The following PCDHA5 variants were observed in gnomAD, a reference collection of about 807,000 sequenced individuals.
The protein encoded by PCDHA5 is protocadherin alpha-5.
PCDHA5 carries 43 observed loss-of-function variants against 61.6 expected under a neutral mutation model. That is an observed-to-expected ratio of 0.70 (90% CI 0.55 to 0.90). PCDHA5 has a LOEUF of 0.90. Among genes scored for constraint, PCDHA5 ranks in the 40% least tolerant of loss-of-function variants. PCDHA5 has a pLI of 0.00. For missense variants in PCDHA5, 1,298 were observed against 1,222.7 expected, an observed-to-expected ratio of 1.06 and a Z score of -0.92; for synonymous variants, 627 against 543.9, an observed-to-expected ratio of 1.15 and a Z score of -2.13.
intron 1 of PCDHA5, chr5:140,877,179 G>T (rs1554169418): frequency 1.2e-6 from 2 of 1,613,830 alleles, no homozygotes. Flanking sequence ...TGGCGACTCC[G>T]GCTGGCAGCG....
At chr5:140,893,666 C>T (rs2064116335) in intron 1 of PCDHA5, among the ~76,000 whole-genome samples, 1 of 152,160 alleles carries the variant, frequency 6.6e-6, no homozygotes, top group African/African-American at 2.4e-5. Flanking sequence ...TAAAAAATTT[C>T]AGCACTTTGG....
chr5:140,836,700 A>G (rs1488520906), intron 1 of PCDHA5: 1 of 1,613,320 alleles, frequency 6.2e-7, no homozygotes, highest in African/African-American at 1.3e-5. Context: ...CATGGCCTTC[A>G]GTCCCAGCCT....
At chr5:140,918,573 C>CT (rs1392285106) in intron 1 of PCDHA5, among the ~76,000 whole-genome samples, 1 of 152,154 alleles carries the variant, frequency 6.6e-6, no homozygotes, top group Non-Finnish European at 1.5e-5. Context: ...TATTATGCTG[C>CT]TATTGGCTAT....
At chr5:140,895,660 A>G (rs2065094898) in intron 1 of PCDHA5, among the ~76,000 whole-genome samples, 6 of 152,160 alleles carry the variant, frequency 3.9e-5, no homozygotes, top group Admixed American at 3.9e-4. Context: ...CTTATAAGTG[A>G]GAACATGTAG....
At chr5:140,848,742 A>G in intron 1 of PCDHA5, 2 of 1,593,114 alleles carry the variant, frequency 1.3e-6, no homozygotes, top group Admixed American at 3.4e-5. Context: ...GCAGAATGGC[A>G]TTTTGTTTGT....
chr5:140,869,973 C>A (rs782664221), intron 1 of PCDHA5: 2 of 1,613,100 alleles, frequency 1.2e-6, no homozygotes, highest in Admixed American at 1.7e-5. Context: ...ATGGAAGACA[C>A]TTATTTACAC....
intron 1 of PCDHA5, among the ~76,000 whole-genome samples, chr5:140,888,561 G>A (rs2061877783): frequency 6.6e-6 from 1 of 152,156 alleles, no homozygotes; most frequent in South Asian, 2.1e-4. Flanking sequence ...TTCCTTTCAA[G>A]GCTTCATTTT....
chr5:140,903,163 G>T (rs2070058285), intron 1 of PCDHA5, among the ~76,000 whole-genome samples: 1 of 152,096 alleles, frequency 6.6e-6, no homozygotes, highest in Non-Finnish European at 1.5e-5. Flanking sequence ...GGTTGTGCTG[G>T]TTTACATTCC....
chr5:140,947,315 C>T (rs116397497), intron 1 of PCDHA5, among the ~76,000 whole-genome samples: 3,556 of 151,556 alleles, frequency 0.023, 49 homozygotes, highest in Middle Eastern at 0.034. Flanking sequence ...TGTAAAAAGT[C>T]GGTTGACCAT....
chr5:140,952,471 A>AAAGT (rs1205705150), intron 1 of PCDHA5, among the ~76,000 whole-genome samples: 2 of 152,204 alleles, frequency 1.3e-5, no homozygotes, highest in Non-Finnish European at 2.9e-5. Context: ...AAGCATAAGG[A>AAAGT]AAGTGACATT....
intron 1 of PCDHA5, chr5:140,875,899 T>C: frequency 1.2e-6 from 2 of 1,614,192 alleles, no homozygotes; most frequent in South Asian, 1.1e-5. Context: ...GGTACCTGTT[T>C]CTGAATCTGC....
intron 1 of PCDHA5, among the ~76,000 whole-genome samples, chr5:140,947,805 G>T (rs1474604810): frequency 6.6e-6 from 1 of 151,504 alleles, no homozygotes; most frequent in Non-Finnish European, 1.5e-5. Flanking sequence ...TTAATTTGCA[G>T]AGACTATTTC....
chr5:140,837,118 A>G (rs1774921021), intron 1 of PCDHA5: 2 of 157,076 alleles, frequency 1.3e-5, no homozygotes, highest in Non-Finnish European at 2.8e-5. Flanking sequence ...TATGTTACCT[A>G]ATATTTTATT....
At chr5:140,928,034 G>A in intron 1 of PCDHA5, 1 of 1,614,206 alleles carries the variant, frequency 6.2e-7, no homozygotes, top group South Asian at 1.1e-5. Flanking sequence ...GGCATGTCTA[G>A]TGCAGGCCCT....
chr5:140,968,719 G>C lies in PCDHA5; in HGVS notation c.2353-10230G>C. The C allele has an allele frequency of 1.9e-6, 3 of 1,614,148 alleles. No homozygotes were observed. Among genetic ancestry groups the C allele is most frequent in the African/African-American group, 1.3e-5 (1 of 75,038 alleles). ...GGACTACCAGGAAGATGGGAGATGA[G>C]AGTGGTAGCACTTTCAACCTGACCG... On this transcript the variant is annotated intron_variant, in intron 1 of 3. Transcript: ENST00000529859.
chr5:140,863,219 G>T, intron 1 of PCDHA5: 1 of 1,108,786 alleles, frequency 9.0e-7, no homozygotes. Flanking sequence ...AGCCAAGCGA[G>T]GAAGGTCCCA....
intron 1 of PCDHA5, chr5:140,875,742 C>T (rs782079077): frequency 3.1e-6 from 5 of 1,614,218 alleles, no homozygotes; most frequent in South Asian, 1.1e-5. Context: ...ATTCTCGGAT[C>T]GACCGCGAGA....
Position 140,843,307 on chromosome 5 carries a change from G to T in PCDHA5, c.2352+19180G>T, listed in dbSNP as rs2150357061. On this transcript the variant is annotated intron_variant, in intron 1 of 3. Coordinates refer to ENST00000529859, the MANE Select transcript of PCDHA5 (RefSeq NM_018908.3). ...ATGGTGAACCTGCGCTGACCGCCAC[G>T]GCCACGGTTCTGGTGTCGCTGGTGG... is the stretch of plus-strand genomic sequence containing the variant. The T allele has an allele frequency of 1.0e-5, 16 of 1,595,858 alleles. 3 individuals are homozygous for T. The highest frequency in any genetic ancestry group is 1.3e-5 in the African/African-American group (1 of 74,426).
rs368334312 is a variant in PCDHA5 at position 140,876,999 on chromosome 5, G to A, written c.2352+52872G>A. The A allele has an allele frequency of 1.6e-5, 26 of 1,612,428 alleles. No homozygotes were observed. In the African/African-American group the frequency reaches 3.1e-4, roughly 19 times the overall value. ...AGCACGCACTGTCGAGCTACGTGTC[G>A]GTGCACGCGGAGAGCGGCAAGGTGT... On this transcript the variant is annotated intron_variant, in intron 1 of 3. Coordinates refer to ENST00000529859, the MANE Select transcript of PCDHA5 (RefSeq NM_018908.3).
Sources: gnomAD v4.1 joint callset for allele counts (sites outside exome capture counted in the v4.1 genomes callset) on GRCh38, gnomAD v4.1.1 for gene constraint, MANE v1.5 for transcripts, NCBI Gene and HGNC (gene_info 2026-07-23, HGNC 2026-07-21) for gene names.